The following RAB3GAP2 variants were observed in gnomAD, a reference collection of about 807,000 sequenced individuals.
The protein encoded by RAB3GAP2 is RAB3 GTPase activating non-catalytic protein subunit 2, also known as rab3 GTPase-activating protein non-catalytic subunit.
A neutral mutation model predicts 185.3 loss-of-function variants in RAB3GAP2; 87 were observed. The ratio of observed to expected loss-of-function variants is 0.47; its 90% CI spans 0.39 to 0.56. RAB3GAP2 has a LOEUF of 0.56. Ranked by LOEUF, RAB3GAP2 falls within the 20% of genes least tolerant of loss-of-function variation. The probability of loss-of-function intolerance (pLI) is 0.00; values close to 1 mark genes in which losing one functional copy is unlikely to be tolerated. For missense variants in RAB3GAP2, 1,492 were observed against 1,638.2 expected (o/e 0.91, Z 1.54); for synonymous variants, 554 against 576.1 (o/e 0.96, Z 0.55).
intron 18 of RAB3GAP2, 125 bp downstream of exon 18, chr1:220,185,526 C>A: frequency 1.5e-6 from 1 of 673,206 alleles, no homozygotes; most frequent in Non-Finnish European, 2.6e-6. Flanking sequence ...TTCTTAATTT[C>A]TTATATCTAT....
intron 1 of RAB3GAP2, among the ~76,000 whole-genome samples, chr1:220,250,103 G>A (rs766027510): frequency 4.6e-5 from 7 of 152,202 alleles, no homozygotes; most frequent in East Asian, 1.9e-4. Context: ...TACATCCACC[G>A]ACAGCTTGCA....
At chr1:220,167,243 G>A (rs1337851201) in intron 26 of RAB3GAP2, 50 bp downstream of exon 26, 4 of 1,496,578 alleles carry the variant, frequency 2.7e-6, no homozygotes, top group Non-Finnish European at 3.7e-6. Context: ...TATATGAATA[G>A]CATGAACACA....
rs144343071 is a variant in RAB3GAP2 at position 220,208,519 on chromosome 1, GATTTT to G, written c.612+1864_612+1868del. Among the ~76,000 whole-genome samples, 812 of 152,236 alleles carry G rather than the reference GATTTT, an allele frequency of 5.3e-3. 4 individuals are homozygous for G. The highest frequency in any genetic ancestry group is 0.018 in the African/African-American group (763 of 41,538). On this transcript the variant is annotated intron_variant, in intron 7 of 34. Coordinates refer to ENST00000358951, the MANE Select transcript of RAB3GAP2 (RefSeq NM_012414.4). ...TATCATTACATGATATCAGTAACTT[GATTTT>G]ATTTCCTACCATCGCCTCAAACTCA...
At chr1:220,266,924 T>C in intron 1 of RAB3GAP2, 2 of 1,589,802 alleles carry the variant, frequency 1.3e-6, no homozygotes, top group African/African-American at 1.3e-5. Context: ...TGGTATGTAT[T>C]TGCCTCAAAA....
intron 2 of RAB3GAP2, among the ~76,000 whole-genome samples, chr1:220,223,074 G>A (rs917120612): frequency 2.0e-5 from 3 of 152,080 alleles, no homozygotes; most frequent in South Asian, 2.1e-4. Flanking sequence ...TCAGCGTCTC[G>A]CTCTGACGCC....
chr1:220,269,022 T>C (rs1660284507), intron 1 of RAB3GAP2, among the ~76,000 whole-genome samples: 1 of 152,212 alleles, frequency 6.6e-6, no homozygotes, highest in East Asian at 1.9e-4. Context: ...GAGGTTACCA[T>C]ACTGGACAGT....
intron 13 of RAB3GAP2, among the ~76,000 whole-genome samples, chr1:220,192,419 TGCTGACATGTTACTATTC>T (rs1558150445): frequency 2.6e-5 from 4 of 152,206 alleles, no homozygotes; most frequent in African/African-American, 4.8e-5. Flanking sequence ...TTGTGGTCTA[TGCTGACATGTTACTATTC>T]CAGATGATTC....
Position 220,211,003 on chromosome 1 carries a change from C to T in RAB3GAP2, c.387-1G>A. 6.2e-7 allele frequency: 1 copy of T among 1,613,102 alleles called. No homozygotes were observed. On this transcript the variant is annotated splice_acceptor_variant, in intron 4 of 34. Coordinates refer to ENST00000358951, the MANE Select transcript of RAB3GAP2 (RefSeq NM_012414.4). LOFTEE classifies it high-confidence loss of function. ...ACATAGAGCACTGGTTACACATTCCCTAAAAACAAAAACAAAATCATATGC... is the reference window on the plus strand; with the variant it reads ...ACATAGAGCACTGGTTACACATTCCTTAAAAACAAAAACAAAATCATATGC...
chr1:220,194,672 C>T (rs1196415768), intron 12 of RAB3GAP2, among the ~76,000 whole-genome samples: 1 of 152,156 alleles, frequency 6.6e-6, no homozygotes, highest in Non-Finnish European at 1.5e-5. Flanking sequence ...GGATTACAGG[C>T]GTGAGCCACC....
intron 1 of RAB3GAP2, among the ~76,000 whole-genome samples, chr1:220,257,485 C>A (rs1439477308): frequency 2.0e-5 from 3 of 151,690 alleles, no homozygotes; most frequent in African/African-American, 7.3e-5. Flanking sequence ...TTTGGGTAAA[C>A]AATGAAATTA....
chr1:220,198,577 ATCTC>A (rs911299594), intron 9 of RAB3GAP2, among the ~76,000 whole-genome samples: 1 of 152,106 alleles, frequency 6.6e-6, no homozygotes, highest in African/African-American at 2.4e-5. Context: ...GCTTATTTAC[ATCTC>A]TCTTTCTCGC....
At chr1:220,173,427 G>C (rs750228567) in intron 21 of RAB3GAP2, among the ~76,000 whole-genome samples, 5 of 152,140 alleles carry the variant, frequency 3.3e-5, no homozygotes, top group Non-Finnish European at 7.4e-5. Context: ...GAAAGGCCTT[G>C]ATTAATTATA....
chr1:220,220,800 T>C (rs1467009531), intron 2 of RAB3GAP2, among the ~76,000 whole-genome samples: 1 of 152,204 alleles, frequency 6.6e-6, no homozygotes, highest in Non-Finnish European at 1.5e-5. Flanking sequence ...TCTTCTCTTG[T>C]CTGTCGCCAT....
chr1:220,223,921 T>C (rs1659355961), intron 2 of RAB3GAP2, among the ~76,000 whole-genome samples: 1 of 141,152 alleles, frequency 7.1e-6, no homozygotes, highest in African/African-American at 2.7e-5. Flanking sequence ...AACTGAAAAA[T>C]TAGAGGCCTG....
intron 7 of RAB3GAP2, chr1:220,208,063 A>G (rs1004567265): frequency 1.3e-5 from 2 of 152,204 alleles, no homozygotes; most frequent in African/African-American, 4.8e-5. Flanking sequence ...CATACAGAGT[A>G]ACAACAAAGA....
At chr1:220,218,483 G>A (rs895223041) in intron 2 of RAB3GAP2, among the ~76,000 whole-genome samples, 2 of 151,958 alleles carry the variant, frequency 1.3e-5, no homozygotes, top group African/African-American at 2.4e-5. Context: ...GCAAACTATC[G>A]CAAGGACAGA....
At chr1:220,247,032 A>T (rs957284492) in intron 1 of RAB3GAP2, among the ~76,000 whole-genome samples, 1 of 152,248 alleles carries the variant, frequency 6.6e-6, no homozygotes, top group Middle Eastern at 3.2e-3. Flanking sequence ...TAATGAGGGA[A>T]ATGCAAATTA....
At position 220,210,501 on chromosome 1, in the gene RAB3GAP2, C is replaced by G; in HGVS notation, c.511-12G>C. 3 of 1,597,086 alleles carry G rather than the reference C, an allele frequency of 1.9e-6. No homozygotes were observed. The East Asian group carries it at 6.7e-5, about 36-fold the overall frequency. ...AAGAGCACACCATTCTAGGAGGAAG[C>G]ACAGAGAAGGGCCCTGCTTGTTTTC... On this transcript the variant is annotated splice_polypyrimidine_tract_variant and intron_variant, in intron 6 of 34. Transcript: ENST00000358951.
At chr1:220,223,813 A>G (rs942191117) in intron 2 of RAB3GAP2, among the ~76,000 whole-genome samples, 1 of 152,002 alleles carries the variant, frequency 6.6e-6, no homozygotes, top group Non-Finnish European at 1.5e-5. Flanking sequence ...TTGGAATACA[A>G]ATTGGCTAGC....
Sources: gnomAD v4.1 joint callset for allele counts (sites outside exome capture counted in the v4.1 genomes callset) on GRCh38, gnomAD v4.1.1 for gene constraint, MANE v1.5 for transcripts, NCBI Gene and HGNC (gene_info 2026-07-23, HGNC 2026-07-21) for gene names.